Variants in NLRP11 observed in about 807,000 individuals in gnomAD.
The protein encoded by NLRP11 is NLR family pyrin domain containing 11.
NLRP11 carries 53 observed loss-of-function variants against 79.3 expected under a neutral mutation model. That is an observed-to-expected ratio of 0.67 (90% CI 0.54 to 0.84). NLRP11 has a LOEUF of 0.84. Ranked by LOEUF, NLRP11 falls within the 40% of genes least tolerant of loss-of-function variation. The pLI, the probability that NLRP11 is intolerant of heterozygous loss-of-function variation, is 0.00. For missense variants in NLRP11, 1,264 were observed against 1,255.0 expected (o/e 1.01, Z -0.11); for synonymous variants, 518 against 462.6 (o/e 1.12, Z -1.54).
Position 55,809,851 on chromosome 19 carries a change from A to G in NLRP11, c.759T>C (p.Val253=). 1 of 1,614,170 alleles carries G rather than the reference A, an allele frequency of 6.2e-7. No individual in the cohort carries two copies. The highest frequency in any genetic ancestry group is 8.5e-7 in the Non-Finnish European group (1 of 1,180,018). The change falls in exon 3 of 10, where the codon GTT becomes GTC. Residue 253 remains valine (V), a synonymous_variant. Coordinates refer to ENST00000589093, the Ensembl canonical transcript of NLRP11. This position sits in a 1 kb window ranked among gnomAD's most constrained non-coding sequence, Gnocchi z 4.5. ...AACTGACCAGGAGAACTGGAATGGGAACTTTCTGGGTGCTGTTACTACACA... is the reference window on the plus strand; with the variant it reads ...AACTGACCAGGAGAACTGGAATGGGGACTTTCTGGGTGCTGTTACTACACA...
intron 2 of NLRP11, 60 bp from the exon 3 acceptor site, chr19:55,810,398 A>G: frequency 2.0e-6 from 3 of 1,476,458 alleles, no homozygotes; most frequent in Non-Finnish European, 2.7e-6. Context: ...AAGATGTAAA[A>G]ACAGTTTTAG....
At chr19:55,791,464 A>G (rs73933380) in intron 7 of NLRP11, among the ~76,000 whole-genome samples, 3,622 of 152,338 alleles carry the variant, frequency 0.024, 43 homozygotes, top group Middle Eastern at 0.072. Flanking sequence ...AAATAAAGAT[A>G]AGATACCATA....
In NLRP11 at chr19:55,809,515, T is replaced by C; in HGVS notation, c.1095A>G (p.Thr365=). The C allele has an allele frequency of 6.2e-7, 1 of 1,614,094 alleles. No individual in the cohort carries two copies. Among genetic ancestry groups the C allele is most frequent in the Non-Finnish European group, 8.5e-7 (1 of 1,180,024 alleles). Reference sequence around the variant, plus strand: ...GAAAGTGGGCATGTAGATCAGTGGGTGTTTGGCAGCAGAGCTGGAAGTCAC... The same window carrying C: ...GAAAGTGGGCATGTAGATCAGTGGGCGTTTGGCAGCAGAGCTGGAAGTCAC... The change falls in exon 3 of 10, where the codon ACA becomes ACG. Residue 365 remains threonine (T), a synonymous_variant. Transcript: ENST00000589093. This position sits in a 1 kb window ranked among gnomAD's most constrained non-coding sequence, Gnocchi z 4.5.
At chr19:55,829,254 T>G (rs899135873) in intron 1 of NLRP11, among the ~76,000 whole-genome samples, 11 of 152,006 alleles carry the variant, frequency 7.2e-5, no homozygotes, top group Admixed American at 6.6e-4. Context: ...ATAAAGCTTA[T>G]GGAATACTCT....
intron 2 of NLRP11, among the ~76,000 whole-genome samples, chr19:55,814,258 T>C (rs942564501): frequency 2.0e-5 from 3 of 152,162 alleles, no homozygotes; most frequent in African/African-American, 4.8e-5. Flanking sequence ...CACCCCCCAA[T>C]GGGACTGTCT....
At chr19:55,823,158 C>T (rs1361027041) in intron 1 of NLRP11, among the ~76,000 whole-genome samples, 2 of 146,552 alleles carry the variant, frequency 1.4e-5, no homozygotes, top group Non-Finnish European at 3.0e-5. Context: ...AGCACACTGA[C>T]ACCTCACACG....
At chr19:55,823,101 G>T (rs1981955907) in intron 1 of NLRP11, among the ~76,000 whole-genome samples, 1 of 147,218 alleles carries the variant, frequency 6.8e-6, no homozygotes, top group Non-Finnish European at 1.5e-5. Context: ...GTGGGTCCCT[G>T]ACCCCTGACC....
upstream of NLRP11, among the ~76,000 whole-genome samples, chr19:55,835,378 G>A (rs923835703): frequency 4.6e-5 from 7 of 152,258 alleles, no homozygotes; most frequent in Non-Finnish European, 1.0e-4. Flanking sequence ...TTCTGCCTAC[G>A]CAGAAAGACA....
At chr19:55,794,840 A>G (rs1050221601) in intron 6 of NLRP11, among the ~76,000 whole-genome samples, 7 of 152,216 alleles carry the variant, frequency 4.6e-5, no homozygotes, top group African/African-American at 1.7e-4. Context: ...TCCTGCAATC[A>G]AACAAGTATT....
At chr19:55,835,152 A>G (rs1265984833), upstream of NLRP11, among the ~76,000 whole-genome samples, 1 of 152,154 alleles carries the variant, frequency 6.6e-6, no homozygotes, top group African/African-American at 2.4e-5. Flanking sequence ...CTTGATGTGT[A>G]TATTTCAAAA....
intron 7 of NLRP11, among the ~76,000 whole-genome samples, chr19:55,789,818 A>G (rs1990128552): frequency 6.6e-6 from 1 of 152,210 alleles, no homozygotes; most frequent in African/African-American, 2.4e-5. Flanking sequence ...GGCTAAATAC[A>G]TTCTTTCTAT....
rs765564383 is a variant in NLRP11, at chr19:55,809,559, G to A, written c.1051C>T (p.Arg351Trp). The A allele has an allele frequency of 1.9e-6, 3 of 1,614,160 alleles. No homozygotes were observed. The highest frequency in any genetic ancestry group is 2.5e-6 in the Non-Finnish European group (3 of 1,180,022). ...AAGTCACGCCCCTTGTCCATCTGCCGCTTCAGGACAGTACACGTGATCCAG... is the reference window on the plus strand; with the variant it reads ...AAGTCACGCCCCTTGTCCATCTGCCACTTCAGGACAGTACACGTGATCCAG... The change falls in exon 3 of 10, where the codon CGG (arginine) becomes TGG (tryptophan). Residue 351 changes from arginine (R) to tryptophan (W), a missense_variant. By Grantham distance (101) the Arg-to-Trp change is moderately radical. Transcript: ENST00000589093. The surrounding 1 kb of genome is among the most constrained non-coding windows in gnomAD (Gnocchi z 4.5).
Position 55,787,853 on chromosome 19 carries a change from T to C in NLRP11, c.2855+954A>G, listed in dbSNP as rs144704430. 3.2e-3 allele frequency among the ~76,000 whole-genome samples: 488 copies of C among 152,318 alleles called. 1 individual carries two copies. The highest frequency in any genetic ancestry group is 0.011 in the African/African-American group (476 of 41,566). On this transcript the variant is annotated intron_variant, in intron 9 of 9. Coordinates refer to ENST00000589093, the Ensembl canonical transcript of NLRP11. ...ACAGCTCTCAAGGTACTAAGACCCT[T>C]AGCCCAACAGCACTACAGGAACTGA...
At chr19:55,819,774 G>A (rs1449804684) in intron 1 of NLRP11, among the ~76,000 whole-genome samples, 4 of 152,124 alleles carry the variant, frequency 2.6e-5, no homozygotes, top group Admixed American at 1.3e-4. Flanking sequence ...GTTGTTGGGC[G>A]TAAAGAAACC....
intron 1 of NLRP11, among the ~76,000 whole-genome samples, chr19:55,820,139 AC>A (rs1221327514): frequency 6.6e-6 from 1 of 152,134 alleles, no homozygotes; most frequent in African/African-American, 2.4e-5. Flanking sequence ...CTAAAGGAGG[AC>A]CTGCAACTAG....
intron 1 of NLRP11, among the ~76,000 whole-genome samples, chr19:55,820,249 G>C (rs1249611954): frequency 2.0e-5 from 3 of 152,158 alleles, no homozygotes; most frequent in South Asian, 4.1e-4. Context: ...CTGAGTTTCA[G>C]AAGGCACGCA....
intron 5 of NLRP11, among the ~76,000 whole-genome samples, chr19:55,796,518 CA>C (rs1175482994): frequency 5.9e-5 from 9 of 152,056 alleles, no homozygotes; most frequent in African/African-American, 2.2e-4. Context: ...GGTGATGGTT[CA>C]GAACGGTAAG....
chr19:55,807,853 T>A, exon 4 of NLRP11: 1 of 1,606,032 alleles, frequency 6.2e-7, no homozygotes, highest in Non-Finnish European at 8.5e-7. Context: ...TAGTACTTAC[T>A]TGAGTGTGCG....
intron 1 of NLRP11, among the ~76,000 whole-genome samples, chr19:55,830,303 T>C (rs1982625361): frequency 6.6e-6 from 1 of 152,162 alleles, no homozygotes; most frequent in Non-Finnish European, 1.5e-5. Context: ...GCCCCATCCT[T>C]GTAACTGAGA....
Sources: gnomAD v4.1 joint callset for allele counts (sites outside exome capture counted in the v4.1 genomes callset) on GRCh38, gnomAD v4.1.1 for gene constraint, Gnocchi (gnomAD v3.1) non-coding constraint, MANE v1.5 for transcripts, NCBI Gene and HGNC (gene_info 2026-07-23, HGNC 2026-07-21) for gene names.